IGSF11: variants seen among roughly 807,000 people sequenced by gnomAD.
IGSF11 encodes the protein immunoglobulin superfamily member 11, also known as CXADR like 1.
IGSF11 carries 22 observed loss-of-function variants against 41.0 expected under a neutral mutation model. The ratio of observed to expected loss-of-function variants is 0.54; its 90% CI spans 0.38 to 0.77. The LOEUF (loss-of-function observed/expected upper bound fraction) is 0.77, where lower values mean the gene tolerates loss of function less well. Ranked by LOEUF, IGSF11 falls within the 30% of genes least tolerant of loss-of-function variation. IGSF11 has a pLI of 0.00. For missense variants in IGSF11, 444 were observed against 530.8 expected, an observed-to-expected ratio of 0.84 and a Z score of 1.61; for synonymous variants, 219 against 201.3, an observed-to-expected ratio of 1.09 and a Z score of -0.74.
intron 1 of IGSF11, among the ~76,000 whole-genome samples, chr3:119,051,290 C>T (rs945376854): frequency 6.6e-6 from 1 of 151,638 alleles, no homozygotes; most frequent in Non-Finnish European, 1.5e-5. Flanking sequence ...ATATTCCATG[C>T]AAATGGAAAC....
chr3:119,096,759 C>A (rs970717260), intron 1 of IGSF11, among the ~76,000 whole-genome samples: 4 of 152,136 alleles, frequency 2.6e-5, no homozygotes, highest in African/African-American at 9.7e-5. Context: ...TAACACAGAC[C>A]TTTATTGGCT....
At chr3:119,016,139 G>A (rs980756149) in intron 1 of IGSF11, among the ~76,000 whole-genome samples, 8 of 152,228 alleles carry the variant, frequency 5.3e-5, no homozygotes, top group Admixed American at 4.6e-4. Context: ...GTAACTGGCT[G>A]GGCCAGAGCC....
In IGSF11 at chr3:119,019,171, G is replaced by C. The variant is rs1043753473; in HGVS notation, c.52+15360C>G. 2.6e-5 allele frequency among the ~76,000 whole-genome samples: 4 copies of C among 151,974 alleles called. No homozygotes were observed. The East Asian group carries it at 7.7e-4, about 29-fold the overall frequency. On this transcript the variant is annotated intron_variant, in intron 1 of 6. Transcript: ENST00000393775. ...TATATCAGCTTAAGTTAAAAACTAG[G>C]ACAGAGGTCAAAATTGGTGCATCTG...
chr3:119,041,047 T>G (rs251450), intron 1 of IGSF11, among the ~76,000 whole-genome samples: 112,920 of 152,060 alleles, frequency 0.74, 42,978 homozygotes, highest in African/African-American at 0.92. Flanking sequence ...TAACAGAAAA[T>G]ATGAAAACCT....
At chr3:118,910,548 T>C (rs1321606719) in intron 4 of IGSF11, among the ~76,000 whole-genome samples, 3 of 152,224 alleles carry the variant, frequency 2.0e-5, no homozygotes, top group Non-Finnish European at 4.4e-5. Flanking sequence ...GCTGCCAATC[T>C]TTCAGCCTGA....
intron 1 of IGSF11, among the ~76,000 whole-genome samples, chr3:118,985,109 G>A (rs1242860153): frequency 6.6e-6 from 1 of 152,086 alleles, no homozygotes; most frequent in East Asian, 1.9e-4. Context: ...CACTCCCAGA[G>A]GCATCAGAAT....
chr3:118,994,811 G>A (rs1440783630), intron 1 of IGSF11, among the ~76,000 whole-genome samples: 1 of 152,182 alleles, frequency 6.6e-6, no homozygotes, highest in Non-Finnish European at 1.5e-5. Context: ...AGAGAAGGGA[G>A]TAGTTAATTT....
chr3:119,045,255 G>A (rs927258058), intron 1 of IGSF11, among the ~76,000 whole-genome samples: 9 of 152,190 alleles, frequency 5.9e-5, no homozygotes, highest in Non-Finnish European at 7.3e-5. Flanking sequence ...ACTAGGGAGC[G>A]CCAGACAGTG....
intron 1 of IGSF11, among the ~76,000 whole-genome samples, chr3:119,081,039 G>T (rs1456418476): frequency 6.6e-6 from 1 of 151,866 alleles, no homozygotes; most frequent in Non-Finnish European, 1.5e-5. Flanking sequence ...AAAGTAAAAT[G>T]AATACTCAAT....
chr3:119,011,002 G>C (rs1430642183), intron 1 of IGSF11, among the ~76,000 whole-genome samples: 1 of 152,182 alleles, frequency 6.6e-6, no homozygotes, highest in Non-Finnish European at 1.5e-5. Flanking sequence ...GAGATAAAAA[G>C]CACTTGAAGA....
intron 4 of IGSF11, among the ~76,000 whole-genome samples, chr3:118,913,720 C>T (rs1940650404): frequency 1.3e-5 from 2 of 151,070 alleles, no homozygotes; most frequent in Admixed American, 1.3e-4. Flanking sequence ...AGCAATGGAG[C>T]AAAAAAAATG....
At chr3:119,059,179 T>TCACACACACACACA (rs144416307) in intron 1 of IGSF11, among the ~76,000 whole-genome samples, 3 of 147,844 alleles carry the variant, frequency 2.0e-5, no homozygotes, top group Non-Finnish European at 4.5e-5. Context: ...TATACACAGA[T>TCACACACACACACA]CACACACACA....
chr3:119,124,173 A>G (rs2077369309), intron 1 of IGSF11, among the ~76,000 whole-genome samples: 1 of 152,026 alleles, frequency 6.6e-6, no homozygotes, highest in African/African-American at 2.4e-5. Context: ...GAATTCTATC[A>G]CATAAATTTA....
intron 1 of IGSF11, among the ~76,000 whole-genome samples, chr3:118,997,204 C>G (rs1439217135): frequency 1.3e-5 from 2 of 152,136 alleles, no homozygotes; most frequent in African/African-American, 4.8e-5. Flanking sequence ...GTAGTAGAAG[C>G]CTGAATCCAA....
chr3:118,948,869 G>A (rs767812161), intron 1 of IGSF11, among the ~76,000 whole-genome samples: 6 of 151,552 alleles, frequency 4.0e-5, no homozygotes, highest in Non-Finnish European at 5.9e-5. Flanking sequence ...CTACTCGGGA[G>A]GCTCAGGCAG....
intron 1 of IGSF11, among the ~76,000 whole-genome samples, chr3:119,073,926 C>T (rs1399538071): frequency 5.3e-5 from 8 of 152,196 alleles, no homozygotes; most frequent in African/African-American, 1.7e-4. Context: ...CAAGAGTGAG[C>T]GAGGGACGCG....
intron 4 of IGSF11, among the ~76,000 whole-genome samples, chr3:118,912,030 G>C (rs1940385944): frequency 6.6e-6 from 1 of 151,990 alleles, no homozygotes; most frequent in Non-Finnish European, 1.5e-5. Flanking sequence ...AACCATGAAA[G>C]AAAAACGTAT....
At chr3:119,112,446 A>T (rs1172226076) in intron 1 of IGSF11, among the ~76,000 whole-genome samples, 3 of 152,096 alleles carry the variant, frequency 2.0e-5, no homozygotes, top group Non-Finnish European at 4.4e-5. Context: ...AGCCTGTTGG[A>T]AAAGCGCAGT....
chr3:119,047,816 T>A (rs1399468971), intron 1 of IGSF11, among the ~76,000 whole-genome samples: 1 of 151,822 alleles, frequency 6.6e-6, no homozygotes, highest in African/African-American at 2.4e-5. Context: ...CACAGTGCAA[T>A]CAAACTAGAA....
Sources: gnomAD v4.1 joint callset for allele counts (sites outside exome capture counted in the v4.1 genomes callset) on GRCh38, gnomAD v4.1.1 for gene constraint, MANE v1.5 for transcripts, NCBI Gene and HGNC (gene_info 2026-07-23, HGNC 2026-07-21) for gene names.